The following GLRA2 variants were observed in gnomAD, a reference collection of about 807,000 sequenced individuals.
GLRA2 encodes the protein glycine receptor alpha 2, also known as glycine receptor subunit alpha-2.
Under a neutral mutation model 31.6 loss-of-function variants are expected in GLRA2, and 11 were observed. The observed-to-expected ratio is 0.35, with a 90% CI of 0.22 to 0.58. The LOEUF (loss-of-function observed/expected upper bound fraction) is 0.58. GLRA2 is among the 20% of genes least tolerant of loss of function. The pLI is 0.84. For synonymous variants in GLRA2, 132 were observed against 134.0 expected (o/e 0.99, Z 0.10); for missense variants, 212 against 351.8 (o/e 0.60, Z 3.18).
chrX:14,649,588 C>A (rs943651770), intron 7 of GLRA2, among the ~76,000 whole-genome samples: 1 of 111,977 alleles, frequency 8.9e-6, no homozygotes, highest in African/African-American at 3.2e-5. Flanking sequence ...GAAGAATAAA[C>A]TCATGACCTT....
intron 8 of GLRA2, among the ~76,000 whole-genome samples, chrX:14,713,781 C>G (rs1161414946): frequency 9.0e-6 from 1 of 111,285 alleles, no homozygotes; most frequent in Non-Finnish European, 1.9e-5. Context: ...AGAGGGAGAA[C>G]AGCAGGAGTT....
At chrX:14,544,677 T>A (rs909352834) in intron 2 of GLRA2, among the ~76,000 whole-genome samples, 2 of 111,887 alleles carry the variant, frequency 1.8e-5, no homozygotes, top group African/African-American at 3.2e-5. Context: ...TATACTTCAA[T>A]ATATAAATTC....
chrX:14,612,327 G>T (rs953579908), intron 7 of GLRA2, among the ~76,000 whole-genome samples: 1 of 111,767 alleles, frequency 8.9e-6, no homozygotes, highest in African/African-American at 3.3e-5. Flanking sequence ...GGAAACAACA[G>T]ATGCTAGAGA....
chrX:14,545,270 C>T (rs1338549548), intron 2 of GLRA2, among the ~76,000 whole-genome samples: 1 of 111,172 alleles, frequency 9.0e-6, no homozygotes, highest in African/African-American at 3.3e-5. Flanking sequence ...CTGCATCTGG[C>T]GAGGGTCTTC....
At chrX:14,469,388 A>G in the GLRA2 span, among the ~76,000 whole-genome samples, 9 of 110,612 alleles carry the variant, frequency 8.1e-5, no homozygotes, top group African/African-American at 3.0e-4. Flanking sequence ...ATAAAGACAC[A>G]TGCACACGTA....
chrX:14,481,013 G>A, the GLRA2 span, among the ~76,000 whole-genome samples: 5 of 110,966 alleles, frequency 4.5e-5, no homozygotes, highest in Admixed American at 4.8e-4. Flanking sequence ...CATGAGCATT[G>A]AATGTTTTTC....
intron 2 of GLRA2, among the ~76,000 whole-genome samples, chrX:14,557,194 T>G (rs5980033): frequency 1.1e-5 from 1 of 90,561 alleles, no homozygotes; most frequent in Non-Finnish European, 2.1e-5. Context: ...CGGCTCACTG[T>G]AAGCTCCGCC....
the GLRA2 span, among the ~76,000 whole-genome samples, chrX:14,456,331 T>C: frequency 8.9e-6 from 1 of 111,787 alleles, no homozygotes; most frequent in Non-Finnish European, 1.9e-5. Flanking sequence ...ATATCCATTA[T>C]CTCCAACATT....
intron 8 of GLRA2, among the ~76,000 whole-genome samples, chrX:14,724,626 C>CA (rs758722703): frequency 0.014 from 684 of 49,546 alleles, 27 homozygotes; most frequent in East Asian, 0.046. Context: ...AACTCTGTCT[C>CA]AAAAAAAAAA....
chrX:14,535,285 A>C (rs1291406246), intron 2 of GLRA2, among the ~76,000 whole-genome samples: 1 of 112,225 alleles, frequency 8.9e-6, no homozygotes, highest in Non-Finnish European at 1.9e-5. Flanking sequence ...CATAAGTATA[A>C]TTTTTCTTAT....
At chrX:14,665,392 A>G (rs766262974) in intron 7 of GLRA2, among the ~76,000 whole-genome samples, 2 of 111,957 alleles carry the variant, frequency 1.8e-5, no homozygotes, top group Non-Finnish European at 3.8e-5. Flanking sequence ...TCGTTTCCTC[A>G]TCTGAAAAAT....
the GLRA2 span, among the ~76,000 whole-genome samples, chrX:14,460,362 G>T: frequency 1.1e-3 from 124 of 111,850 alleles, 1 homozygote; most frequent in Admixed American, 0.012. Context: ...ACCAGGCTTT[G>T]GTATCAGGAT....
the GLRA2 span, among the ~76,000 whole-genome samples, chrX:14,456,057 TA>T: frequency 9.0e-6 from 1 of 111,705 alleles, no homozygotes; most frequent in African/African-American, 3.2e-5. Flanking sequence ...ACATGATTTT[TA>T]TTTCCTAGAC....
At chrX:14,487,293 G>A in the GLRA2 span, among the ~76,000 whole-genome samples, 1 of 105,000 alleles carries the variant, frequency 9.5e-6, no homozygotes, top group Non-Finnish European at 1.9e-5. Flanking sequence ...CAGATTATTG[G>A]GCAGCACTGT....
intron 8 of GLRA2, among the ~76,000 whole-genome samples, chrX:14,716,210 C>T (rs1342375354): frequency 1.8e-5 from 2 of 111,580 alleles, no homozygotes; most frequent in Non-Finnish European, 3.8e-5. Flanking sequence ...AGGCAACATA[C>T]TAGCCAGCAT....
At chrX:14,569,202 C>G (rs1384006923) in intron 2 of GLRA2, among the ~76,000 whole-genome samples, 1 of 111,235 alleles carries the variant, frequency 9.0e-6, no homozygotes, top group Non-Finnish European at 1.9e-5. Context: ...TTGCAGTGAG[C>G]CAAGACTGTG....
At chrX:14,455,686 CAAATT>C in the GLRA2 span, among the ~76,000 whole-genome samples, 29 of 111,623 alleles carry the variant, frequency 2.6e-4, no homozygotes, top group Non-Finnish European at 4.5e-4. Context: ...TATATTTACT[CAAATT>C]AAAGGCATAA....
chrX:14,602,829 T>A (rs913631180), intron 4 of GLRA2, among the ~76,000 whole-genome samples: 3 of 112,285 alleles, frequency 2.7e-5, no homozygotes, highest in Non-Finnish European at 3.8e-5. Flanking sequence ...CACTTGTTGA[T>A]TAATGGGCAT....
chrX:14,652,654 ATGCCCATATAAGATGGTAAC>A (rs1413073936), intron 7 of GLRA2, among the ~76,000 whole-genome samples: 2 of 111,230 alleles, frequency 1.8e-5, no homozygotes, highest in Non-Finnish European at 3.8e-5. Flanking sequence ...ACCAGGAACC[ATGCCCATATAAGATGGTAAC>A]TTAATTGATC....
Sources: allele counts gnomAD v4.1 joint callset (sites outside exome capture counted in the v4.1 genomes callset), GRCh38; gene constraint gnomAD v4.1.1; transcripts MANE v1.5; gene names NCBI Gene and HGNC (gene_info 2026-07-23, HGNC 2026-07-21).